The following INSC variants were observed in gnomAD, a reference collection of about 807,000 sequenced individuals.
INSC encodes INSC spindle orientation adaptor protein.
A neutral mutation model predicts 58.6 loss-of-function variants in INSC; 67 were observed. The ratio of observed to expected loss-of-function variants is 1.14; its 90% CI spans 0.94 to 1.40. The LOEUF is 1.40. Among genes scored for constraint, INSC ranks in the 40% most tolerant of loss-of-function variants. The pLI is 0.00. For missense variants in INSC, 714 were observed against 692.0 expected, an observed-to-expected ratio of 1.03 and a Z score of -0.36; for synonymous variants, 262 against 276.1, an observed-to-expected ratio of 0.95 and a Z score of 0.51.
At chr11:15,149,298 A>T in intron 2 of INSC, 68 bp downstream of exon 2, 1 of 1,383,454 alleles carries the variant, frequency 7.2e-7, no homozygotes, top group Non-Finnish European at 9.5e-7. Flanking sequence ...GCCCAGTTCC[A>T]GCATCCTGAG....
chr11:15,225,730 A>C lies in INSC; in HGVS notation c.1072A>C (p.Met358Leu), dbSNP rs1379599093. 1 of 1,614,114 alleles carries C rather than the reference A, an allele frequency of 6.2e-7. No homozygotes were observed. Among genetic ancestry groups the C allele is most frequent in the Non-Finnish European group, 8.5e-7 (1 of 1,179,998 alleles). Residue 358 changes from methionine (M) to leucine (L), a missense_variant, in exon 9 of 13, where the codon ATG becomes CTG. Transcript: ENST00000379556. ...ALANITFFDTMACEMLLQLNA... is the reference protein window; with the variant it reads ...ALANITFFDTLACEMLLQLNA... ...TGCCAACATCACGTTCTTTGACACA[A>C]TGGCCTGCGAGATGCTCCTGCAGTT... is the stretch of plus-strand genomic sequence containing the variant.
intron 2 of INSC, among the ~76,000 whole-genome samples, chr11:15,154,955 G>A (rs1454778917): frequency 1.3e-5 from 2 of 152,200 alleles, no homozygotes; most frequent in Admixed American, 6.5e-5. Flanking sequence ...TCAAGGCATA[G>A]TAGTTTGGGA....
intron 9 of INSC, among the ~76,000 whole-genome samples, chr11:15,229,986 TATATA>T (rs1851828556): frequency 1.3e-4 from 4 of 31,674 alleles, no homozygotes; most frequent in Non-Finnish European, 2.0e-4. Flanking sequence ...ATATTATATA[TATATA>T]TATATATATA....
At chr11:15,164,979 C>A (rs73424555) in intron 2 of INSC, among the ~76,000 whole-genome samples, 2,122 of 152,276 alleles carry the variant, frequency 0.014, 48 homozygotes, top group African/African-American at 0.048. Context: ...GTCCTTTAAA[C>A]CTCTTTTTCC....
intron 5 of INSC, among the ~76,000 whole-genome samples, chr11:15,190,324 G>A (rs1045951461): frequency 2.0e-5 from 3 of 152,158 alleles, no homozygotes; most frequent in South Asian, 2.1e-4. Context: ...CCACTCATTC[G>A]TTTTCAATTT....
chr11:15,209,409 G>A (rs1318699711), intron 7 of INSC, among the ~76,000 whole-genome samples: 1 of 152,072 alleles, frequency 6.6e-6, no homozygotes, highest in Non-Finnish European at 1.5e-5. Context: ...GGGCCTCCTT[G>A]CCTTGGAGCC....
intron 5 of INSC, among the ~76,000 whole-genome samples, chr11:15,188,869 T>C (rs1452580905): frequency 1.3e-5 from 2 of 152,216 alleles, no homozygotes; most frequent in African/African-American, 4.8e-5. Flanking sequence ...CATGTGAGCA[T>C]TAGTATCACA....
At chr11:15,252,508 T>C in the INSC span, among the ~76,000 whole-genome samples, 1 of 152,214 alleles carries the variant, frequency 6.6e-6, no homozygotes, top group South Asian at 2.1e-4. Context: ...TGGTTAGTAG[T>C]GGGAGGCCTC....
chr11:15,221,452 G>A (rs376226496), intron 7 of INSC, 25 bp from the exon 8 acceptor site: 7 of 1,589,118 alleles, frequency 4.4e-6, no homozygotes, highest in African/African-American at 2.7e-5. Context: ...GGATGCACAG[G>A]GGAGCTCCCT....
At chr11:15,200,190 CAA>C (rs1232808699) in intron 6 of INSC, among the ~76,000 whole-genome samples, 3 of 139,928 alleles carry the variant, frequency 2.1e-5, no homozygotes, top group Non-Finnish European at 4.6e-5. Context: ...CACACACACA[CAA>C]ACAGGAGTAA....
At chr11:15,194,225 T>C (rs1255571552) in intron 6 of INSC, among the ~76,000 whole-genome samples, 1 of 152,182 alleles carries the variant, frequency 6.6e-6, no homozygotes, top group East Asian at 1.9e-4. Context: ...CTTTTTCACT[T>C]GAAATATGAC....
intron 1 of INSC, among the ~76,000 whole-genome samples, chr11:15,139,307 G>A (rs1848316046): frequency 6.6e-6 from 1 of 152,210 alleles, no homozygotes; most frequent in South Asian, 2.1e-4. Flanking sequence ...TAAGTCATTA[G>A]CTTAAAGTAT....
the INSC span, among the ~76,000 whole-genome samples, chr11:15,267,278 T>G: frequency 1.4e-4 from 22 of 152,092 alleles, no homozygotes; most frequent in South Asian, 4.4e-3. Context: ...AAAATATTTC[T>G]CTTCATGATC....
upstream of INSC, among the ~76,000 whole-genome samples, chr11:15,114,710 T>C (rs932415087): frequency 4.0e-5 from 6 of 151,642 alleles, no homozygotes; most frequent in Admixed American, 3.3e-4. Flanking sequence ...GGGCCATGTT[T>C]CCCCCCCCAG....
intron 5 of INSC, among the ~76,000 whole-genome samples, chr11:15,180,699 G>GGA (rs1554913963): frequency 1.6e-4 from 18 of 111,382 alleles, no homozygotes; most frequent in African/African-American, 5.6e-4. Flanking sequence ...GGGGGCGGGG[G>GGA]GGGGTGGTGG....
intron 1 of INSC, among the ~76,000 whole-genome samples, chr11:15,123,865 T>C (rs1204878989): frequency 6.6e-6 from 1 of 152,152 alleles, no homozygotes. Context: ...AACAAATGAT[T>C]CACATTTGTC....
At chr11:15,174,155 C>G (rs1441258810) in intron 2 of INSC, among the ~76,000 whole-genome samples, 1 of 151,994 alleles carries the variant, frequency 6.6e-6, no homozygotes, top group Non-Finnish European at 1.5e-5. Context: ...TTGCACATCT[C>G]AGGACACTTC....
At chr11:15,205,732 G>A (rs541380733) in intron 7 of INSC, among the ~76,000 whole-genome samples, 8 of 152,226 alleles carry the variant, frequency 5.3e-5, no homozygotes, top group Admixed American at 5.2e-4. Context: ...CTGAGACTCC[G>A]AGACAGTGTT....
At chr11:15,171,541 T>C (rs1250405984) in intron 2 of INSC, among the ~76,000 whole-genome samples, 1 of 152,178 alleles carries the variant, frequency 6.6e-6, no homozygotes, top group African/African-American at 2.4e-5. Flanking sequence ...GCTCTCACTG[T>C]CTTGACAAGT....
Sources: gnomAD v4.1 joint callset for allele counts (sites outside exome capture counted in the v4.1 genomes callset) on GRCh38, gnomAD v4.1.1 for gene constraint, MANE v1.5 for transcripts, NCBI Gene and HGNC (gene_info 2026-07-23, HGNC 2026-07-21) for gene names.